The following DRD2 variants were observed in gnomAD, a reference collection of about 807,000 sequenced individuals.
The protein encoded by DRD2 is dopamine receptor D2, also known as D(2) dopamine receptor.
DRD2 carries 8 observed loss-of-function variants against 38.0 expected under a neutral mutation model. The observed-to-expected ratio is 0.21, with a 90% CI of 0.12 to 0.38. The LOEUF (loss-of-function observed/expected upper bound fraction) is 0.38, where lower values mean the gene tolerates loss of function less well. Ranked by LOEUF, DRD2 falls within the 10% of genes least tolerant of loss-of-function variation. The probability of loss-of-function intolerance (pLI) is 1.00; values close to 1 mark genes in which losing one functional copy is unlikely to be tolerated. For missense variants in DRD2, 403 were observed against 607.7 expected, an observed-to-expected ratio of 0.66 and a Z score of 3.54; for synonymous variants, 230 against 238.6, an observed-to-expected ratio of 0.96 and a Z score of 0.33.
chr11:113,434,888 A>G (rs1951021540), intron 1 of DRD2, among the ~76,000 whole-genome samples: 1 of 151,950 alleles, frequency 6.6e-6, no homozygotes, highest in Non-Finnish European at 1.5e-5. Flanking sequence ...GGGTGTCCCC[A>G]GGGGGAGGCT....
At chr11:113,420,061 G>A (rs528624846) in intron 2 of DRD2, among the ~76,000 whole-genome samples, 25 of 152,320 alleles carry the variant, frequency 1.6e-4, no homozygotes, top group African/African-American at 6.0e-4. Context: ...TAAACAGAGT[G>A]TGCCTTTAGG....
intron 1 of DRD2, chr11:113,474,464 G>T (rs1216477959): frequency 6.6e-6 from 1 of 152,308 alleles, no homozygotes; most frequent in Admixed American, 6.5e-5. Context: ...CCCCGACTAG[G>T]TGTCAACCCA....
At chr11:113,443,021 C>A (rs144666108) in intron 1 of DRD2, among the ~76,000 whole-genome samples, 1 of 152,222 alleles carries the variant, frequency 6.6e-6, no homozygotes, top group African/African-American at 2.4e-5. Context: ...GGATTCTGGT[C>A]CCCTTCACGA....
chr11:113,442,719 C>A (rs1951105969), intron 1 of DRD2, among the ~76,000 whole-genome samples: 2 of 152,208 alleles, frequency 1.3e-5, no homozygotes, highest in South Asian at 4.1e-4. Flanking sequence ...ATCTAATTAC[C>A]TTTGCAGCCC....
chr11:113,430,563 G>T (rs1444961708), intron 1 of DRD2, among the ~76,000 whole-genome samples: 1 of 152,196 alleles, frequency 6.6e-6, no homozygotes, highest in African/African-American at 2.4e-5. Flanking sequence ...AAAACCTGCT[G>T]GTCCCCAGGC....
chr11:113,441,734 C>T (rs547782768), intron 1 of DRD2, among the ~76,000 whole-genome samples: 12 of 152,222 alleles, frequency 7.9e-5, no homozygotes, highest in African/African-American at 2.9e-4. Context: ...CCTGTGATCC[C>T]AGTACTTCAG....
intron 1 of DRD2, among the ~76,000 whole-genome samples, chr11:113,439,345 G>A (rs143023752): frequency 2.2e-4 from 34 of 152,136 alleles, no homozygotes; most frequent in Middle Eastern, 3.2e-3. Flanking sequence ...AAAACAGGAC[G>A]AGACTCCCTT....
chr11:113,447,848 C>T (rs1372368726), intron 1 of DRD2: 1 of 152,244 alleles, frequency 6.6e-6, no homozygotes, highest in East Asian at 1.9e-4. Context: ...ACAAGGCTTC[C>T]TCCCACCAGT....
At chr11:113,413,405 C>T (rs1330339518) in intron 6 of DRD2, 1 of 516,462 alleles carries the variant, frequency 1.9e-6, no homozygotes, top group Non-Finnish European at 3.9e-6. Context: ...AAGGCTGACC[C>T]CTGGGGCCCC....
In DRD2 at chr11:113,460,728, G is replaced by A. The variant is rs989072934; in HGVS notation, c.-32+14348C>T. ...GGACTCCTGTGGCTGTGACGTTACCGTGGAGACAGGGTGTGGGGAGATGCT... is the reference window on the plus strand; with the variant it reads ...GGACTCCTGTGGCTGTGACGTTACCATGGAGACAGGGTGTGGGGAGATGCT... On this transcript the variant is annotated intron_variant, in intron 1 of 7. Transcript: ENST00000362072. 4.6e-5 allele frequency among the ~76,000 whole-genome samples: 7 copies of A among 152,240 alleles called. No individual in the cohort carries two copies. In the South Asian group the frequency reaches 8.3e-4, roughly 18 times the overall value.
At chr11:113,412,996 G>A in intron 6 of DRD2, 113 bp from the exon 7 acceptor site, 1 of 1,221,916 alleles carries the variant, frequency 8.2e-7, no homozygotes. Context: ...AACACCACAG[G>A]GTCACCCTGC....
At chr11:113,443,626 G>C (rs1488484716) in intron 1 of DRD2, among the ~76,000 whole-genome samples, 1 of 152,184 alleles carries the variant, frequency 6.6e-6, no homozygotes, top group Non-Finnish European at 1.5e-5. Context: ...AGCATACCAG[G>C]AGAGCTGTCA....
chr11:113,457,828 AGCGATAGGCTCTGCCACCTTAGCCCT>A (rs1251181008), intron 1 of DRD2, among the ~76,000 whole-genome samples: 1 of 152,266 alleles, frequency 6.6e-6, no homozygotes, highest in African/African-American at 2.4e-5. Flanking sequence ...AGTTGCAATC[AGCGATAGGCTCTGCCACCTTAGCCCT>A]GCTCATTAGA....
chr11:113,440,879 C>G (rs989662880), intron 1 of DRD2, among the ~76,000 whole-genome samples: 1 of 152,206 alleles, frequency 6.6e-6, no homozygotes, highest in African/African-American at 2.4e-5. Flanking sequence ...TCCTGGGACA[C>G]AGATGAGCTA....
chr11:113,468,406 G>A (rs1237946250), intron 1 of DRD2, among the ~76,000 whole-genome samples: 1 of 152,184 alleles, frequency 6.6e-6, no homozygotes, highest in Non-Finnish European at 1.5e-5. Flanking sequence ...TTATTATGAG[G>A]TGAACACGAT....
chr11:113,458,842 A>G (rs1271613564), intron 1 of DRD2, among the ~76,000 whole-genome samples: 1 of 152,216 alleles, frequency 6.6e-6, no homozygotes, highest in Non-Finnish European at 1.5e-5. Context: ...TCTACTATGC[A>G]CTAAACACCA....
At chr11:113,464,734 A>G (rs1193882054) in intron 1 of DRD2, among the ~76,000 whole-genome samples, 1 of 152,252 alleles carries the variant, frequency 6.6e-6, no homozygotes, top group Non-Finnish European at 1.5e-5. Context: ...AGTGATTCCA[A>G]GTATACCAGT....
intron 1 of DRD2, among the ~76,000 whole-genome samples, chr11:113,432,121 C>T (rs979973572): frequency 4.6e-5 from 7 of 152,166 alleles, no homozygotes; most frequent in African/African-American, 1.7e-4. Flanking sequence ...AGGCTGACAC[C>T]CAAACCTGAC....
chr11:113,471,089 C>T (rs182608277), intron 1 of DRD2, among the ~76,000 whole-genome samples: 1 of 152,294 alleles, frequency 6.6e-6, no homozygotes. Context: ...TCAAAGAAAA[C>T]CAAGTGGCTG....
Sources: gnomAD v4.1 joint callset for allele counts (sites outside exome capture counted in the v4.1 genomes callset) on GRCh38, gnomAD v4.1.1 for gene constraint, MANE v1.5 for transcripts, NCBI Gene and HGNC (gene_info 2026-07-23, HGNC 2026-07-21) for gene names.